RBFOX1: variants seen among roughly 807,000 people sequenced by gnomAD.
RBFOX1 encodes the protein RNA binding fox-1 homolog 1.
Under a neutral mutation model 57.7 loss-of-function variants are expected in RBFOX1, and 8 were observed. The observed-to-expected ratio is 0.14, with a 90% CI of 0.08 to 0.25. The LOEUF is 0.25. Ranked by LOEUF, RBFOX1 falls within the 10% of genes least tolerant of loss-of-function variation. The pLI, the probability that RBFOX1 is intolerant of heterozygous loss-of-function variation, is 1.00. For synonymous variants in RBFOX1, 326 were observed against 222.4 expected (o/e 1.47, Z -4.15); for missense variants, 611 against 548.5 (o/e 1.11, Z -1.14).
chr16:6,085,691 C>T (rs914158101), intron 1 of RBFOX1, among the ~76,000 whole-genome samples: 7 of 151,164 alleles, frequency 4.6e-5, no homozygotes, highest in African/African-American at 9.7e-5. Flanking sequence ...CATGCGCGCA[C>T]GCACATGCAC....
chr16:7,365,486 T>C (rs557098092), intron 4 of RBFOX1, among the ~76,000 whole-genome samples: 4 of 152,350 alleles, frequency 2.6e-5, no homozygotes, highest in South Asian at 2.1e-4. Context: ...GGAGTGATTT[T>C]TTTCCCCCCC....
At chr16:5,554,695 C>T (rs2045603043) in intron 2 of RBFOX1, among the ~76,000 whole-genome samples, 1 of 152,128 alleles carries the variant, frequency 6.6e-6, no homozygotes, top group Non-Finnish European at 1.5e-5. Context: ...AACCTATTCC[C>T]AGACACCAAA....
intron 3 of RBFOX1, among the ~76,000 whole-genome samples, chr16:5,834,718 CATAG>C (rs1363137798): frequency 4.1e-5 from 5 of 121,622 alleles, no homozygotes; most frequent in African/African-American, 1.5e-4. Context: ...TAGATAGATA[CATAG>C]ATACATAGAT....
intron 4 of RBFOX1, among the ~76,000 whole-genome samples, chr16:7,096,446 T>G (rs550262551): frequency 3.3e-5 from 5 of 152,290 alleles, no homozygotes; most frequent in Non-Finnish European, 7.4e-5. Flanking sequence ...GACATGCCAC[T>G]GTTAACAGCA....
At chr16:6,807,873 C>G (rs907364432) in intron 3 of RBFOX1, among the ~76,000 whole-genome samples, 1 of 144,982 alleles carries the variant, frequency 6.9e-6, no homozygotes, top group Admixed American at 7.3e-5. Flanking sequence ...GTATATATAT[C>G]TAGTTCTGTT....
rs7189337 is a variant in RBFOX1 at position 5,942,591 on chromosome 16, A to C, written c.351+75256A>C. On this transcript the variant is annotated intron_variant, in intron 4 of 19. Transcript: ENST00000641259. The stretch of plus-strand genomic sequence containing the variant: ...TCTTAGCAGGATTCAAGTCCCTTTC[A>C]TGATCCTAAATTTGTGGGCTTTTAT... Among the ~76,000 whole-genome samples the C allele has an allele frequency of 7.3e-4, 111 of 152,086 alleles. No homozygotes were observed. The East Asian group carries it at 9.3e-3, about 13-fold the overall frequency.
intron 3 of RBFOX1, among the ~76,000 whole-genome samples, chr16:6,925,558 A>G (rs1031914172): frequency 4.6e-5 from 7 of 151,986 alleles, no homozygotes; most frequent in Non-Finnish European, 8.8e-5. Flanking sequence ...ATTCACTGAC[A>G]TAGCTCTAGC....
chr16:7,023,344 C>T (rs12926741), intron 3 of RBFOX1, among the ~76,000 whole-genome samples: 65,213 of 151,014 alleles, frequency 0.43, 17,402 homozygotes, highest in South Asian at 0.62. Context: ...CCTGTAATCC[C>T]AGCTACTTGG....
chr16:5,953,547 C>T (rs1227773300), intron 4 of RBFOX1, among the ~76,000 whole-genome samples: 2 of 152,028 alleles, frequency 1.3e-5, no homozygotes, highest in African/African-American at 4.8e-5. Context: ...TATGCCTTTG[C>T]ATCCTCATAG....
At chr16:6,823,951 A>G (rs533899949) in intron 3 of RBFOX1, among the ~76,000 whole-genome samples, 5 of 152,282 alleles carry the variant, frequency 3.3e-5, no homozygotes, top group East Asian at 3.9e-4. Flanking sequence ...GTCCTGGAAG[A>G]GGTGGCATCT....
intron 2 of RBFOX1, among the ~76,000 whole-genome samples, chr16:5,582,813 A>T (rs2046716238): frequency 6.6e-6 from 1 of 152,016 alleles, no homozygotes; most frequent in South Asian, 2.1e-4. Context: ...GTTCAGCCCC[A>T]AGTGCAGAAG....
chr16:7,270,925 G>C (rs2095304772), intron 4 of RBFOX1, among the ~76,000 whole-genome samples: 1 of 152,106 alleles, frequency 6.6e-6, no homozygotes, highest in Admixed American at 6.5e-5. Context: ...TCATGGTTAG[G>C]AATGGAGACT....
At chr16:5,560,840 A>G (rs1270138988) in intron 2 of RBFOX1, among the ~76,000 whole-genome samples, 3 of 151,984 alleles carry the variant, frequency 2.0e-5, no homozygotes, top group Non-Finnish European at 4.4e-5. Context: ...CACACTGTCC[A>G]CCCATCCTCC....
intron 4 of RBFOX1, among the ~76,000 whole-genome samples, chr16:7,498,943 C>T (rs896090277): frequency 2.0e-5 from 3 of 152,190 alleles, no homozygotes; most frequent in Non-Finnish European, 2.9e-5. Flanking sequence ...TCACAACATC[C>T]TTAGCTGTTT....
At chr16:5,410,004 C>T (rs899334091) in intron 1 of RBFOX1, among the ~76,000 whole-genome samples, 19 of 150,130 alleles carry the variant, frequency 1.3e-4, no homozygotes, top group African/African-American at 3.0e-4. Context: ...GCTGAGATCA[C>T]GCCAGTGCAC....
intron 4 of RBFOX1, chr16:7,126,625 CCTTTT>C (rs1453949522): frequency 1.8e-5 from 3 of 162,594 alleles, no homozygotes; most frequent in East Asian, 1.6e-4. Flanking sequence ...TGTTGTTCTT[CCTTTT>C]CTTAGTCATC....
chr16:5,600,378 C>T (rs763411937), downstream of RBFOX1, among the ~76,000 whole-genome samples: 6 of 148,380 alleles, frequency 4.0e-5, no homozygotes, highest in East Asian at 2.0e-4. Context: ...CTCAGACACT[C>T]GGGAGGCTGA....
intron 4 of RBFOX1, among the ~76,000 whole-genome samples, chr16:7,224,722 T>C (rs1051815236): frequency 6.6e-6 from 1 of 152,190 alleles, no homozygotes; most frequent in South Asian, 2.1e-4. Flanking sequence ...AACCAATCAA[T>C]GGGAATTGTC....
At chr16:7,055,555 C>T (rs967151508) in intron 4 of RBFOX1, among the ~76,000 whole-genome samples, 1 of 152,134 alleles carries the variant, frequency 6.6e-6, no homozygotes, top group African/African-American at 2.4e-5. Context: ...GGAGTTTCTC[C>T]TTCACACGTC....
Sources: allele counts gnomAD v4.1 joint callset (sites outside exome capture counted in the v4.1 genomes callset), GRCh38; gene constraint gnomAD v4.1.1; transcripts MANE v1.5; gene names NCBI Gene and HGNC (gene_info 2026-07-23, HGNC 2026-07-21).